The following EPAS1 variants were observed in gnomAD, a reference collection of about 807,000 sequenced individuals.
EPAS1 encodes endothelial PAS domain protein 1, also known as endothelial PAS domain-containing protein 1.
A neutral mutation model predicts 87.9 loss-of-function variants in EPAS1; 23 were observed. The observed-to-expected ratio is 0.26, with a 90% confidence interval of 0.19 to 0.37. The LOEUF is 0.37. Ranked by LOEUF, EPAS1 falls within the 10% of genes least tolerant of loss-of-function variation. The pLI, the probability that EPAS1 is intolerant of heterozygous loss-of-function variation, is 1.00. For missense variants in EPAS1, 1,138 were observed against 1,120.7 expected (o/e 1.02, Z -0.22); for synonymous variants, 508 against 444.3 (o/e 1.14, Z -1.80).
chr2:46,322,116 C>T (rs1403312337), intron 1 of EPAS1, among the ~76,000 whole-genome samples: 1 of 152,114 alleles, frequency 6.6e-6, no homozygotes, highest in Non-Finnish European at 1.5e-5. Flanking sequence ...CACTTTCTTC[C>T]TTCTTCTTGG....
Position 46,385,634 on chromosome 2 carries a change from G to C in EPAS1, c.*974G>C, listed in dbSNP as rs888486664. 2.0e-5 allele frequency: 3 copies of C among 152,018 alleles called. No individual in the cohort carries two copies. Among genetic ancestry groups the C allele is most frequent in the African/African-American group, 7.3e-5 (3 of 41,352 alleles). The allele number at this position is 152,018 out of a possible 1,614,324, so 9.4% of individuals were successfully genotyped here. On this transcript the variant is annotated 3_prime_UTR_variant, in exon 16 of 16. Coordinates refer to ENST00000263734, the MANE Select transcript of EPAS1 (RefSeq NM_001430.5). ...CCATAGGTGTGACAATCCGAGCAGT[G>C]GAGTCATTCAGCGGGAGCACTGCGC...
intron 4 of EPAS1, among the ~76,000 whole-genome samples, chr2:46,358,906 T>C (rs2103632819): frequency 6.6e-6 from 1 of 152,104 alleles, no homozygotes; most frequent in Admixed American, 6.5e-5. Flanking sequence ...CCATAGACAA[T>C]GGGGAGCTAT....
chr2:46,382,662 A>G, intron 15 of EPAS1, 64 bp downstream of exon 15: 1 of 1,598,910 alleles, frequency 6.3e-7, no homozygotes, highest in Non-Finnish European at 8.5e-7. Flanking sequence ...GCCCACGTCT[A>G]CTTTTTTTCC....
At chr2:46,301,701 G>A (rs748102029) in intron 1 of EPAS1, among the ~76,000 whole-genome samples, 5 of 151,564 alleles carry the variant, frequency 3.3e-5, no homozygotes, top group African/African-American at 4.9e-5. Context: ...GATGATTTCC[G>A]AAGGAGTGCC....
chr2:46,351,318 G>A lies in EPAS1; in HGVS notation c.217+4255G>A, dbSNP rs186688070. Among the ~76,000 whole-genome samples, 47 of 152,308 alleles carry A rather than the reference G, an allele frequency of 3.1e-4. 1 individual carries two copies. Among genetic ancestry groups the A allele is most frequent in the African/African-American group, 1.0e-3 (43 of 41,560 alleles). On this transcript the variant is annotated intron_variant, in intron 2 of 15. Transcript: ENST00000263734. ...TGTACTACATCAAGGGTAATACAGA[G>A]AGGCAAGATAGGATAGTAAGATACA...
intron 1 of EPAS1, among the ~76,000 whole-genome samples, chr2:46,341,813 G>A (rs1239349807): frequency 6.6e-6 from 1 of 152,188 alleles, no homozygotes; most frequent in Admixed American, 6.5e-5. Flanking sequence ...CAAAACTGGG[G>A]CCAATAACAC....
Position 46,361,146 on chromosome 2 carries a change from T to C in EPAS1, c.779+56T>C. The C allele has an allele frequency of 3.2e-6, 5 of 1,568,598 alleles. No homozygotes were observed. In the South Asian group the frequency reaches 4.5e-5, roughly 14 times the overall value. ...CAGAGATGGGTCTTACCTGTGTGTG[T>C]GGGGAGTTGTGCCTGTATTAAAGGT... is the stretch of plus-strand genomic sequence containing the variant. On this transcript the variant is annotated intron_variant, in intron 6 of 15. Transcript: ENST00000263734.
Position 46,356,319 on chromosome 2 carries a change from T to C in EPAS1, c.369+17T>C. 1 of 1,613,940 alleles carries C rather than the reference T, an allele frequency of 6.2e-7. No homozygotes were observed. Among genetic ancestry groups the C allele is most frequent in the East Asian group, 2.2e-5 (1 of 44,874 alleles). On this transcript the variant is annotated intron_variant, in intron 3 of 15. Coordinates refer to ENST00000263734, the MANE Select transcript of EPAS1 (RefSeq NM_001430.5). ...CTTACACAGGTGACACCCTCCTCTATCTCTTTCAAAAGAAGAAATGTTTCC... is the reference window on the plus strand; with the variant it reads ...CTTACACAGGTGACACCCTCCTCTACCTCTTTCAAAAGAAGAAATGTTTCC...
At chr2:46,384,283 G>A (rs936731214) in intron 15 of EPAS1, among the ~76,000 whole-genome samples, 15 of 152,256 alleles carry the variant, frequency 9.9e-5, no homozygotes, top group Admixed American at 6.5e-5. Flanking sequence ...GCTGCAGCCC[G>A]CACCTCACGC....
At chr2:46,302,751 AAAAAAAAG>A (rs1683035313) in intron 1 of EPAS1, among the ~76,000 whole-genome samples, 1 of 120,434 alleles carries the variant, frequency 8.3e-6, no homozygotes, top group Admixed American at 9.2e-5. Context: ...AAAAAAAAAA[AAAAAAAAG>A]AGATACAAGG....
At chr2:46,305,641 G>A (rs867748044) in intron 1 of EPAS1, among the ~76,000 whole-genome samples, 3 of 152,234 alleles carry the variant, frequency 2.0e-5, no homozygotes, top group Middle Eastern at 6.8e-3. Context: ...CTCATCTGAC[G>A]TTTTGTGAAT....
chr2:46,379,430 C>T (rs1203576600), intron 11 of EPAS1, among the ~76,000 whole-genome samples: 3 of 152,194 alleles, frequency 2.0e-5, no homozygotes, highest in Admixed American at 6.5e-5. Context: ...ATCCCAGCTA[C>T]TCTGCAAAAC....
rs139798780 is a variant in EPAS1, at chr2:46,308,595, T to G, written c.26+10658T>G. 4.4e-3 allele frequency among the ~76,000 whole-genome samples: 673 copies of G among 152,268 alleles called. 5 individuals carry two copies. The highest frequency in any genetic ancestry group is 0.015 in the African/African-American group (637 of 41,544). On this transcript the variant is annotated intron_variant, in intron 1 of 15. Coordinates refer to ENST00000263734, the MANE Select transcript of EPAS1 (RefSeq NM_001430.5). ...TTTATTCATGTAGATTTGACCCCTT[T>G]ACTTATTTCCCTTTAAAAAGAAAGA... is the stretch of plus-strand genomic sequence containing the variant.
In EPAS1 at chr2:46,346,541, CT is replaced by C. The variant is rs1420335227; in HGVS notation, c.27-331del. Among the ~76,000 whole-genome samples, 3 of 152,212 alleles carry C rather than the reference CT, an allele frequency of 2.0e-5. No homozygotes were observed. The highest frequency in any genetic ancestry group is 4.8e-5 in the African/African-American group (2 of 41,462). ...TCTTTCCATCCCTGGACATTCACCCCTATCCCCAGATATTCCAGGGCTAGGT... is the reference window on the plus strand; with the variant it reads ...TCTTTCCATCCCTGGACATTCACCCCATCCCCAGATATTCCAGGGCTAGGT... On this transcript the variant is annotated intron_variant, in intron 1 of 15. Coordinates refer to ENST00000263734, the MANE Select transcript of EPAS1 (RefSeq NM_001430.5). The surrounding 1 kb of genome is among the most constrained non-coding windows in gnomAD (Gnocchi z 4.0).
Position 46,375,505 on chromosome 2 carries a change from T to C in EPAS1, c.887-185T>C, listed in dbSNP as rs1460201721. The C allele has an allele frequency of 2.9e-6, 2 of 680,820 alleles. No homozygotes were observed. Among genetic ancestry groups the C allele is most frequent in the African/African-American group, 3.6e-5 (2 of 55,946 alleles). 42.2% of individuals were successfully genotyped at this position (680,820 alleles called of 1,614,324 possible). On this transcript the variant is annotated intron_variant, in intron 7 of 15. Coordinates refer to ENST00000263734, the MANE Select transcript of EPAS1 (RefSeq NM_001430.5). The surrounding 1 kb of genome is among the most constrained non-coding windows in gnomAD (Gnocchi z 4.1). ...TCACCTCTTTTTCCTATATTTAAAA[T>C]GAAGAGTTGGCTGAGGTGATCCCTA... is the stretch of plus-strand genomic sequence containing the variant.
chr2:46,299,735 G>C (rs564581213), intron 1 of EPAS1, among the ~76,000 whole-genome samples: 1 of 152,180 alleles, frequency 6.6e-6, no homozygotes, highest in Non-Finnish European at 1.5e-5. Context: ...GTGCAGTTTT[G>C]TACCGTATAT....
intron 1 of EPAS1, among the ~76,000 whole-genome samples, chr2:46,318,495 G>C (rs115712066): frequency 1.3e-5 from 2 of 152,170 alleles, no homozygotes; most frequent in African/African-American, 4.8e-5. Context: ...TATCTGCAAA[G>C]TGCAATAAAG....
At chr2:46,301,785 T>C (rs1221445835) in intron 1 of EPAS1, among the ~76,000 whole-genome samples, 3 of 150,870 alleles carry the variant, frequency 2.0e-5, no homozygotes, top group African/African-American at 7.3e-5. Flanking sequence ...TATCAACACC[T>C]TTAGGCTGCA....
At chr2:46,322,024 T>G (rs1683464280) in intron 1 of EPAS1, among the ~76,000 whole-genome samples, 1 of 152,130 alleles carries the variant, frequency 6.6e-6, no homozygotes, top group Non-Finnish European at 1.5e-5. Context: ...TCCCTACTGA[T>G]TTGGGTGATG....
Sources: gnomAD v4.1 joint callset for allele counts (sites outside exome capture counted in the v4.1 genomes callset) on GRCh38, gnomAD v4.1.1 for gene constraint, Gnocchi (gnomAD v3.1) non-coding constraint, MANE v1.5 for transcripts, NCBI Gene and HGNC (gene_info 2026-07-23, HGNC 2026-07-21) for gene names.